Variants in CADPS observed in about 807,000 individuals in gnomAD.
CADPS encodes calcium dependent secretion activator.
In CADPS, 57 loss-of-function variants were observed where a neutral mutation model predicts 167.3. The ratio of observed to expected loss-of-function variants is 0.34; its 90% confidence interval spans 0.28 to 0.42. The LOEUF is 0.42. Among genes scored for constraint, CADPS ranks in the 20% least tolerant of loss-of-function variants. The probability of loss-of-function intolerance (pLI) is 1.00; values close to 1 mark genes in which losing one functional copy is unlikely to be tolerated. For missense variants in CADPS, 1,414 were observed against 1,738.1 expected (o/e 0.81, Z 3.32); for synonymous variants, 676 against 635.3 (o/e 1.06, Z -0.96).
At chr3:62,704,031 G>T (rs2151620687) in intron 3 of CADPS, among the ~76,000 whole-genome samples, 1 of 152,234 alleles carries the variant, frequency 6.6e-6, no homozygotes, top group East Asian at 1.9e-4. Flanking sequence ...TACCACCAGG[G>T]ATATTAAGTA....
At chr3:62,545,900 C>G (rs1363606347) in intron 11 of CADPS, among the ~76,000 whole-genome samples, 2 of 152,066 alleles carry the variant, frequency 1.3e-5, no homozygotes, top group African/African-American at 4.8e-5. Flanking sequence ...ATGTATTTTT[C>G]CATTTCTACG....
intron 14 of CADPS, among the ~76,000 whole-genome samples, chr3:62,517,759 C>T (rs940338353): frequency 1.3e-5 from 2 of 152,100 alleles, no homozygotes; most frequent in African/African-American, 2.4e-5. Flanking sequence ...GCTGTTTCTG[C>T]GGTAGTGGAA....
rs183448950 is a variant in CADPS at position 62,468,145 on chromosome 3, A to G, written c.3478-1732T>C. 2.6e-4 allele frequency among the ~76,000 whole-genome samples: 39 copies of G among 152,282 alleles called. 1 individual carries two copies. In the East Asian group the frequency reaches 7.5e-3, roughly 29 times the overall value. On this transcript the variant is annotated intron_variant, in intron 24 of 29. Transcript: ENST00000383710. ...TAAATGCAAAAAATTTATCTGCAGA[A>G]TTCTTTGCTAGAAACACAAAGAAAG... is the stretch of plus-strand genomic sequence containing the variant.
chr3:62,768,263 C>T (rs1337678296), intron 1 of CADPS, among the ~76,000 whole-genome samples: 1 of 152,172 alleles, frequency 6.6e-6, no homozygotes, highest in Non-Finnish European at 1.5e-5. Context: ...ATCTAGTTCA[C>T]AAATCCTAAC....
chr3:62,683,134 G>T (rs957067036), intron 3 of CADPS, among the ~76,000 whole-genome samples: 4 of 152,034 alleles, frequency 2.6e-5, no homozygotes, highest in Admixed American at 2.6e-4. Context: ...TGTGTGTGGG[G>T]TCTTGTAGAT....
intron 7 of CADPS, among the ~76,000 whole-genome samples, chr3:62,589,450 G>A (rs1027821905): frequency 3.9e-5 from 6 of 152,262 alleles, no homozygotes; most frequent in African/African-American, 1.4e-4. Context: ...GTGGGGCTGT[G>A]GCAAGCCCAT....
chr3:62,450,098 C>G (rs1277897697), intron 26 of CADPS, among the ~76,000 whole-genome samples: 1 of 152,182 alleles, frequency 6.6e-6, no homozygotes, highest in Non-Finnish European at 1.5e-5. Context: ...CAGTTTCACT[C>G]CCCACCTCTG....
At chr3:62,759,516 A>G (rs902641191) in intron 2 of CADPS, among the ~76,000 whole-genome samples, 25 of 152,304 alleles carry the variant, frequency 1.6e-4, no homozygotes, top group African/African-American at 5.8e-4. Flanking sequence ...TTAGAATACC[A>G]TAGGAAATAA....
rs1054543255 is a variant in CADPS, at chr3:62,490,818, T to C, written c.3026+521A>G. Among the ~76,000 whole-genome samples the C allele has an allele frequency of 3.9e-5, 6 of 152,180 alleles. No homozygotes were observed. The South Asian group carries it at 6.2e-4, about 16-fold the overall frequency. On this transcript the variant is annotated intron_variant, in intron 21 of 29. Transcript: ENST00000383710. ...GACCTGTTTTGTTAACAAAGTTTCA[T>C]TGGAACACAGCTACACTCGTTCATT...
chr3:62,620,645 A>G (rs1047842194), intron 6 of CADPS, among the ~76,000 whole-genome samples: 1 of 152,150 alleles, frequency 6.6e-6, no homozygotes, highest in African/African-American at 2.4e-5. Flanking sequence ...GAGGAGTGAA[A>G]CTAACATTCA....
intron 4 of CADPS, among the ~76,000 whole-genome samples, chr3:62,655,196 A>G (rs151321605): frequency 5.2e-4 from 79 of 152,338 alleles, no homozygotes; most frequent in African/African-American, 1.8e-3. Context: ...AGCCTTGGGA[A>G]GAAATAGCAT....
intron 1 of CADPS, among the ~76,000 whole-genome samples, chr3:62,859,234 TAAGG>T (rs1227003218): frequency 2.0e-5 from 3 of 152,168 alleles, no homozygotes; most frequent in Non-Finnish European, 2.9e-5. Context: ...TGCCAGGTCA[TAAGG>T]AAGTAAACAC....
At chr3:62,825,229 T>C (rs905720670) in intron 1 of CADPS, among the ~76,000 whole-genome samples, 8 of 152,118 alleles carry the variant, frequency 5.3e-5, no homozygotes, top group African/African-American at 1.4e-4. Context: ...CCTTATTAGC[T>C]TGGAGGGGAA....
rs527441186 is a variant in CADPS at position 62,827,351 on chromosome 3, G to T, written c.441+47238C>A. ...CTAATACCTTATGGGGGATGAACAA[G>T]ATGAAAGTGTATTTTCATTGAGAAC... On this transcript the variant is annotated intron_variant, in intron 1 of 29. Transcript: ENST00000383710. 2.0e-5 allele frequency among the ~76,000 whole-genome samples: 3 copies of T among 152,318 alleles called. No homozygotes were observed. In the South Asian group the frequency reaches 6.2e-4, roughly 32 times the overall value.
intron 6 of CADPS, among the ~76,000 whole-genome samples, chr3:62,635,181 C>T (rs1287865329): frequency 6.6e-6 from 1 of 152,146 alleles, no homozygotes; most frequent in African/African-American, 2.4e-5. Flanking sequence ...CTACATTTGG[C>T]TCAACAGAAA....
intron 4 of CADPS, among the ~76,000 whole-genome samples, chr3:62,653,511 G>T (rs1056537324): frequency 1.3e-5 from 2 of 152,126 alleles, no homozygotes; most frequent in Non-Finnish European, 2.9e-5. Flanking sequence ...TAAGACACTT[G>T]TTATAATTAT....
At chr3:62,550,389 T>C (rs879278835) in intron 10 of CADPS, among the ~76,000 whole-genome samples, 1 of 152,056 alleles carries the variant, frequency 6.6e-6, no homozygotes, top group African/African-American at 2.4e-5. Flanking sequence ...CATCTGCCTA[T>C]AAACATACTA....
At chr3:62,780,972 T>C (rs565753920) in intron 1 of CADPS, among the ~76,000 whole-genome samples, 1 of 152,222 alleles carries the variant, frequency 6.6e-6, no homozygotes. Flanking sequence ...TTAGTCGTTA[T>C]CTATATCTTA....
chr3:62,611,444 A>C (rs1385353414), intron 6 of CADPS, among the ~76,000 whole-genome samples: 1 of 151,974 alleles, frequency 6.6e-6, no homozygotes, highest in Non-Finnish European at 1.5e-5. Context: ...GCTTTTCTAC[A>C]TTTGCCCTGT....
Sources: gnomAD v4.1 joint callset for allele counts (sites outside exome capture counted in the v4.1 genomes callset) on GRCh38, gnomAD v4.1.1 for gene constraint, MANE v1.5 for transcripts, NCBI Gene and HGNC (gene_info 2026-07-23, HGNC 2026-07-21) for gene names.